Variants in TBC1D5 observed in about 807,000 individuals in gnomAD.
The protein encoded by TBC1D5 is TBC1 domain family member 5.
TBC1D5 carries 75 observed loss-of-function variants against 100.3 expected under a neutral mutation model. That is an observed-to-expected ratio of 0.75 (90% CI 0.62 to 0.91). The LOEUF (loss-of-function observed/expected upper bound fraction) is 0.91. Ranked by LOEUF, TBC1D5 falls within the 40% of genes least tolerant of loss-of-function variation. TBC1D5 has a pLI of 0.00. For missense variants in TBC1D5, 910 were observed against 942.4 expected (o/e 0.97, Z 0.45); for synonymous variants, 323 against 325.6 (o/e 0.99, Z 0.09).
At chr3:17,403,276 T>C (rs779421622) in intron 7 of TBC1D5, 28 bp from the exon 8 acceptor site, 18 of 1,494,846 alleles carry the variant, frequency 1.2e-5, no homozygotes, top group South Asian at 7.4e-5. Flanking sequence ...ATCTATTATA[T>C]AGTCTCACAC....
chr3:17,665,355 A>C (rs1411619241), intron 1 of TBC1D5, among the ~76,000 whole-genome samples: 1 of 152,182 alleles, frequency 6.6e-6, no homozygotes, highest in Non-Finnish European at 1.5e-5. Context: ...ATCTTTATAA[A>C]AGTTTGCAAA....
chr3:17,697,727 A>C (rs916721950), intron 1 of TBC1D5, among the ~76,000 whole-genome samples: 3 of 152,144 alleles, frequency 2.0e-5, no homozygotes, highest in African/African-American at 7.2e-5. Context: ...GCTACCAATG[A>C]CTTGCTTCAC....
intron 1 of TBC1D5, among the ~76,000 whole-genome samples, chr3:17,705,571 G>T (rs1394879969): frequency 4.2e-5 from 6 of 141,960 alleles, no homozygotes; most frequent in Non-Finnish European, 7.8e-5. Context: ...TCCCAGACGG[G>T]GTCTCGGCCG....
chr3:17,335,220 C>G (rs977676209), intron 13 of TBC1D5, among the ~76,000 whole-genome samples: 1 of 152,054 alleles, frequency 6.6e-6, no homozygotes, highest in African/African-American at 2.4e-5. Flanking sequence ...AGATGGAGCA[C>G]TTGGTAAGTT....
At chr3:17,234,483 T>A (rs567837177) in intron 17 of TBC1D5, among the ~76,000 whole-genome samples, 82 of 149,474 alleles carry the variant, frequency 5.5e-4, no homozygotes, top group Middle Eastern at 3.5e-3. Flanking sequence ...AAAAGGAGCA[T>A]AACAGGAAAT....
intron 13 of TBC1D5, among the ~76,000 whole-genome samples, chr3:17,371,225 G>A (rs1210162735): frequency 6.6e-6 from 1 of 152,044 alleles, no homozygotes; most frequent in African/African-American, 2.4e-5. Context: ...TTACTTACAG[G>A]AATCTACGTC....
At chr3:17,238,035 A>G (rs993835216) in intron 17 of TBC1D5, 128 bp downstream of exon 17, 62 of 1,352,222 alleles carry the variant, frequency 4.6e-5, no homozygotes, top group Middle Eastern at 2.6e-4. Context: ...CCAACTTTAT[A>G]TAACATATTT....
At chr3:17,307,631 A>C (rs1440567451) in intron 14 of TBC1D5, among the ~76,000 whole-genome samples, 1 of 152,210 alleles carries the variant, frequency 6.6e-6, no homozygotes. Flanking sequence ...ACATCCTTGA[A>C]TATTCCCTAC....
rs78909188 is a variant in TBC1D5 at position 17,287,765 on chromosome 3, G to A, written c.1245+4130C>T. Reference sequence around the variant, plus strand: ...TCTGATATAAAATAATTAGAACCTTGTGTCTCAAGCTATACTTGCAGAATG... The same window carrying A: ...TCTGATATAAAATAATTAGAACCTTATGTCTCAAGCTATACTTGCAGAATG... On this transcript the variant is annotated intron_variant, in intron 15 of 21. Transcript: ENST00000253692. 3.0e-3 allele frequency among the ~76,000 whole-genome samples: 456 copies of A among 152,256 alleles called. 2 individuals are homozygous for A. Among genetic ancestry groups the A allele is most frequent in the African/African-American group, 0.011 (446 of 41,530 alleles).
intron 18 of TBC1D5, among the ~76,000 whole-genome samples, chr3:17,197,751 G>A (rs1034307501): frequency 7.2e-5 from 11 of 152,134 alleles, no homozygotes; most frequent in Non-Finnish European, 1.3e-4. Flanking sequence ...TGACAATTCC[G>A]CTGGATGGGG....
intron 3 of TBC1D5, among the ~76,000 whole-genome samples, chr3:17,493,487 G>T (rs955982635): frequency 6.6e-6 from 1 of 152,148 alleles, no homozygotes; most frequent in African/African-American, 2.4e-5. Flanking sequence ...CTAGGTTGGG[G>T]AAGTTCTCCT....
In TBC1D5 at chr3:17,622,433, G is replaced by A. The variant is rs753334660; in HGVS notation, c.-36+1416C>T. On this transcript the variant is annotated intron_variant, in intron 2 of 21. Coordinates refer to ENST00000253692, the Ensembl canonical transcript of TBC1D5. ...AGAGTCTTATCAGTACCATTTATGC[G>A]TAGCAATATTGGAAAGTATGTTTTA... Among the ~76,000 whole-genome samples the A allele has an allele frequency of 6.1e-4, 93 of 152,192 alleles. 1 individual carries two copies. Among genetic ancestry groups the A allele is most frequent in the Non-Finnish European group, 1.1e-3 (74 of 68,010 alleles).
Position 17,705,937 on chromosome 3 carries a change from C to G in TBC1D5, c.-101+33406G>C, listed in dbSNP as rs2074089694. On this transcript the variant is annotated intron_variant, in intron 1 of 21. Coordinates refer to ENST00000253692, the Ensembl canonical transcript of TBC1D5. ...TCGGGCCCGCGGGGCCCGTCCGCTC[C>G]TCCAGCCGCTGCCTCCCGGGCGGCG... 2.5e-6 allele frequency: 3 copies of G among 1,199,542 alleles called. No homozygotes were observed. The African/African-American group carries it at 4.6e-5, about 18-fold the overall frequency. 74.3% of individuals were successfully genotyped at this position (1,199,542 alleles called of 1,614,324 possible). A position where few individuals can be genotyped will look rare whatever the true frequency, so the allele number is the denominator to read the frequency against.
chr3:17,176,594 G>T (rs976583831), intron 19 of TBC1D5, among the ~76,000 whole-genome samples: 1 of 152,114 alleles, frequency 6.6e-6, no homozygotes, highest in African/African-American at 2.4e-5. Flanking sequence ...AGAGGGAGCT[G>T]AACAACGAGA....
At chr3:17,220,835 G>A (rs1339526741) in intron 17 of TBC1D5, among the ~76,000 whole-genome samples, 1 of 152,052 alleles carries the variant, frequency 6.6e-6, no homozygotes, top group East Asian at 1.9e-4. Context: ...TAGAACAAAA[G>A]ACAAATCAAG....
chr3:17,206,637 C>A (rs951714874), intron 18 of TBC1D5, among the ~76,000 whole-genome samples: 2 of 152,148 alleles, frequency 1.3e-5, no homozygotes, highest in African/African-American at 4.8e-5. Context: ...GTCATAAAGA[C>A]ACAGGATGGT....
chr3:17,320,823 T>C (rs1189236623), intron 13 of TBC1D5, among the ~76,000 whole-genome samples: 2 of 152,222 alleles, frequency 1.3e-5, no homozygotes, highest in Non-Finnish European at 2.9e-5. Context: ...TACATTTCTA[T>C]ATGTATTGAG....
intron 3 of TBC1D5, among the ~76,000 whole-genome samples, chr3:17,471,756 T>C (rs1192101201): frequency 6.6e-6 from 1 of 151,534 alleles, no homozygotes; most frequent in Non-Finnish European, 1.5e-5. Flanking sequence ...ATTTAAAATG[T>C]ATTTTATTGC....
Position 17,514,358 on chromosome 3 carries a change from A to C in TBC1D5, c.-35-5753T>G, listed in dbSNP as rs528822890. On this transcript the variant is annotated intron_variant, in intron 2 of 21. Coordinates refer to ENST00000253692, the Ensembl canonical transcript of TBC1D5. The stretch of plus-strand genomic sequence containing the variant: ...CTTAATACATGTCATTCAATATTAA[A>C]TATCACCCCTTGGTAAAACCCTGAA... 2.6e-4 allele frequency among the ~76,000 whole-genome samples: 39 copies of C among 152,354 alleles called. 1 individual carries two copies. The South Asian group carries it at 6.2e-3, about 24-fold the overall frequency.
Sources: gnomAD v4.1 joint callset for allele counts (sites outside exome capture counted in the v4.1 genomes callset) on GRCh38, gnomAD v4.1.1 for gene constraint, MANE v1.5 for transcripts, NCBI Gene and HGNC (gene_info 2026-07-23, HGNC 2026-07-21) for gene names.